Variants in PALM2AKAP2 observed in about 807,000 individuals in gnomAD.
PALM2AKAP2 encodes PALM2 and AKAP2 fusion, also known as PALM2-AKAP2 fusion protein.
A neutral mutation model predicts 71.5 loss-of-function variants in PALM2AKAP2; 37 were observed. The observed-to-expected ratio is 0.52, with a 90% CI of 0.40 to 0.68. The LOEUF is 0.68. Ranked by LOEUF, PALM2AKAP2 falls within the 30% of genes least tolerant of loss-of-function variation. The pLI, the probability that PALM2AKAP2 is intolerant of heterozygous loss-of-function variation, is 0.00. For missense variants in PALM2AKAP2, 1,224 were observed against 1,191.8 expected (o/e 1.03, Z -0.40); for synonymous variants, 468 against 478.8 (o/e 0.98, Z 0.29).
chr9:110,048,546 G>A, upstream of PALM2AKAP2: 1 of 711,028 alleles, frequency 1.4e-6, no homozygotes, highest in Non-Finnish European at 2.2e-6. Context: ...AGGAGAAGGT[G>A]TGGGTAGATG....
chr9:109,840,604 T>C (rs1828631124), intron 1 of PALM2AKAP2, among the ~76,000 whole-genome samples: 3 of 152,188 alleles, frequency 2.0e-5, no homozygotes, highest in Admixed American at 2.0e-4. Context: ...GAGAACATTT[T>C]TGCAATCTGC....
At chr9:109,978,530 C>T (rs765480809) in intron 6 of PALM2AKAP2, among the ~76,000 whole-genome samples, 10 of 152,186 alleles carry the variant, frequency 6.6e-5, no homozygotes, top group Non-Finnish European at 8.8e-5. Context: ...GGAGCATCTG[C>T]GTCTTCACTG....
intron 2 of PALM2AKAP2, among the ~76,000 whole-genome samples, chr9:109,870,596 G>T (rs1317233931): frequency 2.0e-5 from 3 of 152,306 alleles, no homozygotes; most frequent in South Asian, 4.1e-4. Context: ...AAACTCATGA[G>T]GTCAAGTGAT....
intron 7 of PALM2AKAP2, among the ~76,000 whole-genome samples, chr9:110,029,483 C>T (rs1486076656): frequency 6.6e-6 from 1 of 152,202 alleles, no homozygotes; most frequent in Non-Finnish European, 1.5e-5. Context: ...CAAATGCTTC[C>T]TGAGGACATC....
chr9:110,073,853 A>G (rs977909523), intron 1 of PALM2AKAP2, among the ~76,000 whole-genome samples: 2 of 152,146 alleles, frequency 1.3e-5, no homozygotes, highest in Admixed American at 6.5e-5. Flanking sequence ...ATTGATTGCT[A>G]CTTAGTATAC....
In PALM2AKAP2 at chr9:109,843,089, G is replaced by A. The variant is rs565322268; in HGVS notation, c.46-24402G>A. Among the ~76,000 whole-genome samples, 19 of 145,374 alleles carry A rather than the reference G, an allele frequency of 1.3e-4. No individual in the cohort carries two copies. In the East Asian group the frequency reaches 1.6e-3, roughly 13 times the overall value. ...CGGGAGGTGGAGGTTGCGGTGAGCCGAGATCGCGCCATTGCACTCCAGCCT... is the reference window on the plus strand; with the variant it reads ...CGGGAGGTGGAGGTTGCGGTGAGCCAAGATCGCGCCATTGCACTCCAGCCT... On this transcript the variant is annotated intron_variant, in intron 1 of 9. Coordinates refer to the PALM2AKAP2 transcript ENST00000302798.
chr9:109,730,019 A>G (rs1202403277), intron 1 of PALM2AKAP2, among the ~76,000 whole-genome samples: 1 of 152,258 alleles, frequency 6.6e-6, no homozygotes, highest in Non-Finnish European at 1.5e-5. Flanking sequence ...TGAGTGAACA[A>G]ATGTGCTAAA....
At chr9:110,153,147 A>G (rs1251435726) in intron 2 of PALM2AKAP2, among the ~76,000 whole-genome samples, 1 of 152,230 alleles carries the variant, frequency 6.6e-6, no homozygotes, top group African/African-American at 2.4e-5. Flanking sequence ...GGATGAAATC[A>G]TCAATAAGCA....
chr9:109,815,434 G>C (rs77203796), intron 1 of PALM2AKAP2, among the ~76,000 whole-genome samples: 10,537 of 152,248 alleles, frequency 0.069, 490 homozygotes, highest in South Asian at 0.097. Flanking sequence ...CCATGGATGT[G>C]AATGAGGCTA....
chr9:110,048,621 G>C, upstream of PALM2AKAP2: 6 of 1,401,830 alleles, frequency 4.3e-6, no homozygotes, highest in Non-Finnish European at 5.6e-6. Flanking sequence ...GCGAGGAGGC[G>C]GGGAAGGGGC....
chr9:109,660,449 T>C (rs1827375189), intron 1 of PALM2AKAP2, among the ~76,000 whole-genome samples: 1 of 152,192 alleles, frequency 6.6e-6, no homozygotes, highest in African/African-American at 2.4e-5. Flanking sequence ...ATGCTGTGTT[T>C]GGTTTTCTGT....
At chr9:109,814,679 T>C (rs1296911387) in intron 1 of PALM2AKAP2, among the ~76,000 whole-genome samples, 1 of 152,240 alleles carries the variant, frequency 6.6e-6, no homozygotes, top group Non-Finnish European at 1.5e-5. Flanking sequence ...TGTGGTGCTC[T>C]CAGAAGTAAC....
At chr9:109,929,180 T>G (rs558901347) in intron 5 of PALM2AKAP2, among the ~76,000 whole-genome samples, 3 of 148,718 alleles carry the variant, frequency 2.0e-5, no homozygotes, top group African/African-American at 4.9e-5. Flanking sequence ...TTTTTTTTTT[T>G]TTGTTTCTTT....
chr9:109,861,209 C>T (rs1163680596), intron 1 of PALM2AKAP2, among the ~76,000 whole-genome samples: 1 of 152,218 alleles, frequency 6.6e-6, no homozygotes, highest in African/African-American at 2.4e-5. Context: ...CTCACACACT[C>T]AGTTGGGACA....
chr9:109,716,537 T>C (rs1828322485), intron 1 of PALM2AKAP2, among the ~76,000 whole-genome samples: 1 of 152,142 alleles, frequency 6.6e-6, no homozygotes, highest in African/African-American at 2.4e-5. Context: ...AAATGGGCAT[T>C]CTGTATTTCA....
intron 3 of PALM2AKAP2, among the ~76,000 whole-genome samples, chr9:109,885,351 G>A (rs1184864656): frequency 6.6e-6 from 1 of 152,160 alleles, no homozygotes; most frequent in Non-Finnish European, 1.5e-5. Flanking sequence ...TAAACCCTGG[G>A]CATTAGAATC....
intron 6 of PALM2AKAP2, among the ~76,000 whole-genome samples, chr9:110,011,005 A>AG (rs1832872742): frequency 8.7e-6 from 1 of 114,472 alleles, no homozygotes; most frequent in African/African-American, 4.2e-5. Context: ...TCAAAAAAAA[A>AG]AAAAAAAAAA....
intron 3 of PALM2AKAP2, among the ~76,000 whole-genome samples, chr9:109,885,684 G>A (rs1217257599): frequency 6.6e-6 from 1 of 152,166 alleles, no homozygotes; most frequent in Non-Finnish European, 1.5e-5. Flanking sequence ...TTGACCCAAG[G>A]ATATGTGAAA....
chr9:110,017,582 T>C (rs1833003105), intron 7 of PALM2AKAP2, among the ~76,000 whole-genome samples: 1 of 152,228 alleles, frequency 6.6e-6, no homozygotes, highest in African/African-American at 2.4e-5. Context: ...TCAAAATCTG[T>C]TATCATCTGG....
Sources: gnomAD v4.1 joint callset for allele counts (sites outside exome capture counted in the v4.1 genomes callset) on GRCh38, gnomAD v4.1.1 for gene constraint, MANE v1.5 for transcripts, NCBI Gene and HGNC (gene_info 2026-07-23, HGNC 2026-07-21) for gene names.